The following SAMD5 variants were observed in gnomAD, a reference collection of about 807,000 sequenced individuals.
SAMD5 encodes sterile alpha motif domain-containing protein 5.
SAMD5 carries 13 observed loss-of-function variants against 11.3 expected under a neutral mutation model. The observed-to-expected ratio is 1.15, with a 90% CI of 0.75 to 1.83. SAMD5 has a LOEUF of 1.83. Among genes scored for constraint, SAMD5 ranks in the 40% most tolerant of loss-of-function variants. The pLI, the probability that SAMD5 is intolerant of heterozygous loss-of-function variation, is 0.00. For synonymous variants in SAMD5, 129 were observed against 111.3 expected, an observed-to-expected ratio of 1.16 and a Z score of -1.00; for missense variants, 255 against 239.1, an observed-to-expected ratio of 1.07 and a Z score of -0.44.
downstream of SAMD5, among the ~76,000 whole-genome samples, chr6:147,572,011 A>G (rs1789145196): frequency 6.6e-6 from 1 of 150,822 alleles, no homozygotes; most frequent in Non-Finnish European, 1.5e-5. Flanking sequence ...GACCTCCACC[A>G]GGCCATCAGT....
chr6:147,581,160 C>T (rs375238916), intron 1 of SAMD5, among the ~76,000 whole-genome samples: 18 of 152,216 alleles, frequency 1.2e-4, no homozygotes, highest in Non-Finnish European at 1.3e-4. Flanking sequence ...GGATGTGGGA[C>T]GAAGGAGAAG....
chr6:147,896,053 C>G, the SAMD5 span, among the ~76,000 whole-genome samples: 1 of 152,208 alleles, frequency 6.6e-6, no homozygotes, highest in Non-Finnish European at 1.5e-5. Context: ...ACATTTTATT[C>G]AGGTTTTATG....
At chr6:147,747,421 A>G in the SAMD5 span, among the ~76,000 whole-genome samples, 1 of 152,132 alleles carries the variant, frequency 6.6e-6, no homozygotes, top group South Asian at 2.1e-4. Flanking sequence ...GGGGGCAAAC[A>G]CTGTTTTGAC....
chr6:147,508,927 C>T lies in SAMD5; in HGVS notation c.-2C>T, dbSNP rs1788035070. The T allele has an allele frequency of 6.3e-7, 1 of 1,590,136 alleles. No homozygotes were observed. The highest frequency in any genetic ancestry group is 8.6e-7 in the Non-Finnish European group (1 of 1,169,188). ...CTCGGCGGCGGGGTTCCCGGTCCCA[C>T]CATGTGCACCAACATAGTTTACGAG... is the stretch of plus-strand genomic sequence containing the variant. On this transcript the variant is annotated 5_prime_UTR_variant, in exon 1 of 2. Transcript: ENST00000367474.
At chr6:147,799,440 TG>T in the SAMD5 span, among the ~76,000 whole-genome samples, 1 of 151,938 alleles carries the variant, frequency 6.6e-6, no homozygotes, top group Admixed American at 6.6e-5. Context: ...AGAGATCCGC[TG>T]TTAGTCTGAT....
At chr6:147,609,592 C>G (rs1025510666) in intron 1 of SAMD5, among the ~76,000 whole-genome samples, 3 of 152,176 alleles carry the variant, frequency 2.0e-5, no homozygotes, top group Non-Finnish European at 4.4e-5. Flanking sequence ...CCCTGTCGCA[C>G]AGGCTGGAGT....
At chr6:147,634,401 G>T (rs1019761646) in intron 1 of SAMD5, among the ~76,000 whole-genome samples, 3 of 152,080 alleles carry the variant, frequency 2.0e-5, no homozygotes, top group Non-Finnish European at 4.4e-5. Context: ...CACAAGAATA[G>T]CAAGGGGGAT....
At chr6:147,881,928 C>T in the SAMD5 span, among the ~76,000 whole-genome samples, 85 of 152,228 alleles carry the variant, frequency 5.6e-4, no homozygotes, top group Non-Finnish European at 1.0e-3. Context: ...GTGGCTCTGG[C>T]GGGCCCCATC....
intron 1 of SAMD5, among the ~76,000 whole-genome samples, chr6:147,581,997 G>A (rs182189565): frequency 6.0e-4 from 91 of 152,212 alleles, no homozygotes; most frequent in Admixed American, 5.0e-3. Context: ...GAGGAGGTTG[G>A]GGTCTAGAGA....
chr6:147,604,974 G>T (rs1358499450), intron 1 of SAMD5, among the ~76,000 whole-genome samples: 1 of 152,202 alleles, frequency 6.6e-6, no homozygotes, highest in Admixed American at 6.5e-5. Flanking sequence ...ATTTATATAT[G>T]AGGGATAATC....
chr6:147,922,478 C>A, the SAMD5 span, among the ~76,000 whole-genome samples: 2 of 152,094 alleles, frequency 1.3e-5, no homozygotes, highest in African/African-American at 2.4e-5. Context: ...GGTGGCTCTG[C>A]CCCTCTACGC....
At chr6:147,588,127 A>C (rs2128446933) in intron 1 of SAMD5, among the ~76,000 whole-genome samples, 2 of 152,250 alleles carry the variant, frequency 1.3e-5, no homozygotes, top group Admixed American at 1.3e-4. Context: ...AGGCTAAGGA[A>C]CAAAGTCCAG....
intron 1 of SAMD5, among the ~76,000 whole-genome samples, chr6:147,605,661 A>T (rs539141911): frequency 3.3e-5 from 5 of 152,314 alleles, no homozygotes; most frequent in African/African-American, 1.2e-4. Context: ...AAAATCAGAG[A>T]CTTACCCCCT....
the SAMD5 span, among the ~76,000 whole-genome samples, chr6:147,840,871 C>A: frequency 6.6e-6 from 1 of 152,130 alleles, no homozygotes; most frequent in East Asian, 1.9e-4. Flanking sequence ...CAGAAGCAGA[C>A]ACATGGTAAA....
the SAMD5 span, among the ~76,000 whole-genome samples, chr6:147,768,984 G>A: frequency 6.6e-6 from 1 of 152,090 alleles, no homozygotes; most frequent in Admixed American, 6.6e-5. Flanking sequence ...AGTAGAGATG[G>A]GGTTTCACCA....
chr6:147,772,455 G>T, the SAMD5 span, among the ~76,000 whole-genome samples: 1 of 152,112 alleles, frequency 6.6e-6, no homozygotes, highest in South Asian at 2.1e-4. Context: ...TTTTCTGTCT[G>T]TATCAGTTTG....
the SAMD5 span, among the ~76,000 whole-genome samples, chr6:147,769,402 G>C: frequency 1.3e-5 from 2 of 151,608 alleles, no homozygotes; most frequent in African/African-American, 2.4e-5. Context: ...AAGGCATTTT[G>C]TTCAATTATT....
Position 147,564,799 on chromosome 6 carries a change from C to G in SAMD5, c.*343C>G. On this transcript the variant is annotated 3_prime_UTR_variant, in exon 2 of 2. Coordinates refer to ENST00000367474, the MANE Select transcript of SAMD5 (RefSeq NM_001030060.3). ...GTTGGCTAAGGCATTTGAGTCATAA[C>G]TTAGTTTAAGTACAATATAACAAAA... The G allele has an allele frequency of 1.0e-6, 1 of 1,004,328 alleles. No individual in the cohort carries two copies. The highest frequency in any genetic ancestry group is 1.2e-6 in the Non-Finnish European group (1 of 841,328). 62.2% of individuals were successfully genotyped at this position (1,004,328 alleles called of 1,614,324 possible). A position where few individuals can be genotyped will look rare whatever the true frequency, so the allele number is the denominator to read the frequency against.
At chr6:147,764,575 G>A in the SAMD5 span, among the ~76,000 whole-genome samples, 1 of 152,044 alleles carries the variant, frequency 6.6e-6, no homozygotes, top group Admixed American at 6.5e-5. Flanking sequence ...ATTACTACAA[G>A]TCTGGAAGTT....
Sources: gnomAD v4.1 joint callset for allele counts (sites outside exome capture counted in the v4.1 genomes callset) on GRCh38, gnomAD v4.1.1 for gene constraint, MANE v1.5 for transcripts, NCBI Gene and HGNC (gene_info 2026-07-23, HGNC 2026-07-21) for gene names.